The following TG variants were observed in gnomAD, a reference collection of about 807,000 sequenced individuals.
TG encodes the protein thyroglobulin, also known as thyroid hormones.
A neutral mutation model predicts 324.7 loss-of-function variants in TG; 270 were observed. The observed-to-expected ratio is 0.83, with a 90% confidence interval of 0.75 to 0.92. The LOEUF (loss-of-function observed/expected upper bound fraction) is 0.92. Among genes scored for constraint, TG ranks in the 40% least tolerant of loss-of-function variants. The probability of loss-of-function intolerance (pLI) is 0.00; values close to 1 mark genes in which losing one functional copy is unlikely to be tolerated. For missense variants in TG, 3,591 were observed against 3,456.4 expected (o/e 1.04, Z -0.98); for synonymous variants, 1,401 against 1,327.0 (o/e 1.06, Z -1.21).
intron 25 of TG, among the ~76,000 whole-genome samples, chr8:132,936,293 C>T (rs755940648): frequency 1.2e-4 from 18 of 152,324 alleles, no homozygotes; most frequent in Non-Finnish European, 1.9e-4. Context: ...GCCTGGGTGC[C>T]GGGCTCCCAG....
chr8:132,917,043 C>CTCCTTCCT (rs1268389871), intron 20 of TG, among the ~76,000 whole-genome samples: 840 of 48,766 alleles, frequency 0.017, 26 homozygotes, highest in African/African-American at 0.034. Context: ...CCCTCCCTCC[C>CTCCTTCCT]TCCTTCCTTC....
intron 35 of TG, among the ~76,000 whole-genome samples, chr8:133,003,599 A>C (rs1833758063): frequency 1.3e-5 from 2 of 152,170 alleles, no homozygotes; most frequent in Non-Finnish European, 2.9e-5. Context: ...TGTCCGTTAA[A>C]AATAAAAATT....
At chr8:133,067,910 G>A (rs1199872419) in intron 41 of TG, among the ~76,000 whole-genome samples, 1 of 49,690 alleles carries the variant, frequency 2.0e-5, no homozygotes, top group African/African-American at 5.4e-5. Flanking sequence ...AAGGAAGGAA[G>A]GAAGGAAAGA....
At chr8:133,079,870 A>G (rs192995075) in intron 41 of TG, among the ~76,000 whole-genome samples, 3 of 152,150 alleles carry the variant, frequency 2.0e-5, no homozygotes, top group African/African-American at 4.8e-5. Context: ...TGGGATTCCC[A>G]TATCAAACCA....
At chr8:132,996,902 G>A (rs572644754) in intron 35 of TG, among the ~76,000 whole-genome samples, 1 of 152,316 alleles carries the variant, frequency 6.6e-6, no homozygotes, top group African/African-American at 2.4e-5. Context: ...CAGACCACCA[G>A]GTGTGAGAGT....
chr8:133,116,979 G>A lies in TG; in HGVS notation c.7862+263G>A, dbSNP rs192910652. On this transcript the variant is annotated intron_variant, in intron 45 of 47. Transcript: ENST00000220616. ...ATTAATTGATTAATTTGACTTGAGA[G>A]AGGAGGCTTTTTCATTTACTCTCTA... Among the ~76,000 whole-genome samples, 14 of 152,340 alleles carry A rather than the reference G, an allele frequency of 9.2e-5. No homozygotes were observed. In the East Asian group the frequency reaches 2.7e-3, roughly 29 times the overall value.
intron 40 of TG, among the ~76,000 whole-genome samples, chr8:133,024,350 CTTT>C: frequency 8.1e-6 from 1 of 123,324 alleles, no homozygotes; most frequent in East Asian, 2.0e-4. Flanking sequence ...TTCTTTCTTT[CTTT>C]CTTTCTTTCT....
At chr8:132,969,618 C>G (rs773755881) in intron 32 of TG, 49 bp downstream of exon 32, 1 of 1,311,900 alleles carries the variant, frequency 7.6e-7, no homozygotes, top group East Asian at 2.3e-5. Flanking sequence ...ATAATACTTC[C>G]TCAAAGAAGA....
At chr8:132,963,840 A>G (rs1275511357) in intron 29 of TG, among the ~76,000 whole-genome samples, 1 of 152,118 alleles carries the variant, frequency 6.6e-6, no homozygotes, top group Non-Finnish European at 1.5e-5. Flanking sequence ...AAAAAACGTC[A>G]TGCTACAGAG....
In TG at chr8:133,001,963, C is replaced by T. The variant is rs546313988; in HGVS notation, c.6263-9938C>T. The T allele has an allele frequency of 8.8e-5, 87 of 985,390 alleles. 1 individual carries two copies. In the South Asian group the frequency reaches 2.1e-3, roughly 23 times the overall value. 61.0% of individuals were successfully genotyped at this position (985,390 alleles called of 1,614,324 possible). A position where few individuals can be genotyped will look rare whatever the true frequency, so the allele number is the denominator to read the frequency against. ...AAGAAATTCCTCTTGGTTTTGATTGCGGGAAGAAGGGTGAGGATCCTGAAG... is the reference window on the plus strand; with the variant it reads ...AAGAAATTCCTCTTGGTTTTGATTGTGGGAAGAAGGGTGAGGATCCTGAAG... On this transcript the variant is annotated intron_variant, in intron 35 of 47. Coordinates refer to ENST00000220616, the MANE Select transcript of TG (RefSeq NM_003235.5).
At chr8:132,951,215 G>A (rs964775599) in intron 27 of TG, among the ~76,000 whole-genome samples, 3 of 152,032 alleles carry the variant, frequency 2.0e-5, no homozygotes, top group African/African-American at 7.2e-5. Context: ...TTAATTTCTG[G>A]ATTACCACCA....
intron 25 of TG, among the ~76,000 whole-genome samples, chr8:132,937,914 T>C (rs1823841425): frequency 6.6e-6 from 1 of 152,168 alleles, no homozygotes; most frequent in Non-Finnish European, 1.5e-5. Context: ...GAACTATGTT[T>C]TGCTTTTTTT....
At position 133,001,285 on chromosome 8, in the gene TG, G is replaced by A. The variant is rs141835516; in HGVS notation, c.6263-10616G>A. 3.6e-3 allele frequency among the ~76,000 whole-genome samples: 544 copies of A among 152,258 alleles called. 3 individuals are homozygous for A. The highest frequency in any genetic ancestry group is 0.012 in the African/African-American group (481 of 41,532). ...ACCCCTCTGCTAAGCACTGAGATGC[G>A]GAGTCGAAGATAAGAGTGTGCTCAC... On this transcript the variant is annotated intron_variant, in intron 35 of 47. Coordinates refer to ENST00000220616, the MANE Select transcript of TG (RefSeq NM_003235.5).
rs528989862 is a variant in TG, at chr8:133,086,437, T to C, written c.7240-8607T>C. Among the ~76,000 whole-genome samples the C allele has an allele frequency of 2.9e-4, 44 of 152,354 alleles. 1 individual carries two copies. The South Asian group carries it at 8.9e-3, about 31-fold the overall frequency. ...TGAAATACTGGATAAATGTTTATCA[T>C]ACAACAAAAATATTCTTCTTTAATA... On this transcript the variant is annotated intron_variant, in intron 41 of 47. Transcript: ENST00000220616.
chr8:133,009,512 TTCTC>T (rs1173207927), intron 35 of TG, among the ~76,000 whole-genome samples: 1 of 152,028 alleles, frequency 6.6e-6, no homozygotes, highest in Non-Finnish European at 1.5e-5. Flanking sequence ...GATGAATCTT[TTCTC>T]TCTCTTATTT....
intron 31 of TG, among the ~76,000 whole-genome samples, chr8:132,968,823 T>C (rs1829029752): frequency 1.3e-5 from 2 of 152,210 alleles, no homozygotes; most frequent in Non-Finnish European, 2.9e-5. Context: ...GGGCACCAAA[T>C]AAATCTGGAA....
At chr8:132,928,588 A>G (rs1449984846) in intron 22 of TG, among the ~76,000 whole-genome samples, 1 of 152,252 alleles carries the variant, frequency 6.6e-6, no homozygotes, top group East Asian at 1.9e-4. Context: ...CTAATAAATC[A>G]CTTAACCAAT....
chr8:133,068,098 G>T (rs1341380669), intron 41 of TG, among the ~76,000 whole-genome samples: 1 of 152,190 alleles, frequency 6.6e-6, no homozygotes, highest in Non-Finnish European at 1.5e-5. Context: ...GCATCATAAA[G>T]CATCACTTGA....
intron 40 of TG, among the ~76,000 whole-genome samples, chr8:133,024,554 C>T (rs1447158716): frequency 6.6e-6 from 1 of 151,010 alleles, no homozygotes; most frequent in African/African-American, 2.5e-5. Context: ...TGCTCTCCCT[C>T]CCCTTGCCCC....
Sources: allele counts gnomAD v4.1 joint callset (sites outside exome capture counted in the v4.1 genomes callset), GRCh38; gene constraint gnomAD v4.1.1; transcripts MANE v1.5; gene names NCBI Gene and HGNC (gene_info 2026-07-23, HGNC 2026-07-21).